Variants in NDUFA7 observed in about 807,000 individuals in gnomAD.
NDUFA7 encodes NADH:ubiquinone oxidoreductase subunit A7.
A neutral mutation model predicts 14.2 loss-of-function variants in NDUFA7; 18 were observed. The ratio of observed to expected loss-of-function variants is 1.27; its 90% confidence interval spans 0.88 to 1.88. The LOEUF (loss-of-function observed/expected upper bound fraction) is 1.88. Among genes scored for constraint, NDUFA7 ranks in the 40% most tolerant of loss-of-function variants. The pLI, the probability that NDUFA7 is intolerant of heterozygous loss-of-function variation, is 0.00. For synonymous variants in NDUFA7, 75 were observed against 62.1 expected (o/e 1.21, Z -0.98); for missense variants, 172 against 147.3 (o/e 1.17, Z -0.87).
chr19:8,317,670 T>C (rs112705083), intron 2 of NDUFA7, among the ~76,000 whole-genome samples: 2,471 of 152,290 alleles, frequency 0.016, 70 homozygotes, highest in African/African-American at 0.057. Context: ...TCTGAGGCAG[T>C]GATCATATGC....
chr19:8,313,389 C>G (rs1382917110), intron 3 of NDUFA7, among the ~76,000 whole-genome samples: 2 of 152,144 alleles, frequency 1.3e-5, no homozygotes, highest in African/African-American at 4.8e-5. Flanking sequence ...CACCACCACA[C>G]CTGGCTAATT....
At chr19:8,314,386 C>T (rs900445522) in intron 3 of NDUFA7, among the ~76,000 whole-genome samples, 3 of 144,222 alleles carry the variant, frequency 2.1e-5, no homozygotes, top group African/African-American at 8.7e-5. Flanking sequence ...CTCACAGGAC[C>T]CTTGGAGGGA....
intron 2 of NDUFA7, among the ~76,000 whole-genome samples, chr19:8,318,330 A>G (rs113568586): frequency 3.0e-4 from 46 of 151,810 alleles, no homozygotes; most frequent in African/African-American, 1.1e-3. Flanking sequence ...TTGTATTTTT[A>G]GTAGAGATGG....
At chr19:8,310,429 CAAAAA>C (rs965963920), downstream of NDUFA7, 3 of 142,600 alleles carry the variant, frequency 2.1e-5, no homozygotes, top group African/African-American at 7.7e-5. Flanking sequence ...AACTCTGTCT[CAAAAA>C]AAAAAAAGAA....
intron 3 of NDUFA7, among the ~76,000 whole-genome samples, chr19:8,315,010 A>G (rs8109861): frequency 0.15 from 23,157 of 152,132 alleles, 3,889 homozygotes; most frequent in African/African-American, 0.42. Context: ...GACATGTGCT[A>G]TGTCAACTCA....
At chr19:8,320,223 T>A (rs1970286101) in intron 2 of NDUFA7, among the ~76,000 whole-genome samples, 1 of 152,204 alleles carries the variant, frequency 6.6e-6, no homozygotes. Context: ...ACTGTCAATT[T>A]CCAAAGAAAG....
At chr19:8,314,278 G>A (rs932355507) in intron 3 of NDUFA7, among the ~76,000 whole-genome samples, 4 of 151,316 alleles carry the variant, frequency 2.6e-5, no homozygotes, top group Admixed American at 2.0e-4. Context: ...CCGAAATCGC[G>A]CCACTGCACT....
At chr19:8,317,365 G>A (rs143930430) in intron 2 of NDUFA7, among the ~76,000 whole-genome samples, 2,360 of 152,182 alleles carry the variant, frequency 0.016, 61 homozygotes, top group African/African-American at 0.055. Flanking sequence ...TCAGGTGTTC[G>A]AAACCAGCCT....
rs1218205441 is a variant in NDUFA7 at position 8,316,565 on chromosome 19, C to T, written c.182G>A (p.Arg61Gln). 5.6e-6 allele frequency: 9 copies of T among 1,613,994 alleles called. No homozygotes were observed. The highest frequency in any genetic ancestry group is 1.3e-5 in the African/African-American group (1 of 74,910). Residue 61 changes from arginine (R) to glutamine (Q), a missense_variant, in exon 3 of 4, where the codon CGG (arginine) becomes CAG (glutamine). By Grantham distance (43) the Arg-to-Gln change is conservative. Coordinates refer to ENST00000301457, the MANE Select transcript of NDUFA7 (RefSeq NM_005001.5). The stretch of plus-strand genomic sequence containing the variant: ...GATGATGGAAGGGGGCACAGATTCC[C>T]GGCGGCCATCGCGAGTGCAATAGTA... The part of the protein sequence containing the change: ...NNYYCTRDGR[R>Q]ESVPPSIIMS...
At chr19:8,319,413 A>G (rs1970274222) in intron 2 of NDUFA7, 1 of 152,062 alleles carries the variant, frequency 6.6e-6, no homozygotes, top group African/African-American at 2.4e-5. Flanking sequence ...ACAAAAAATT[A>G]GTCAGGCGTG....
chr19:8,321,261 A>C, intron 1 of NDUFA7, 47 bp downstream of exon 1: 1 of 1,503,608 alleles, frequency 6.7e-7, no homozygotes, highest in East Asian at 2.5e-5. Flanking sequence ...TCCCGGACAC[A>C]CGGAGCCCGA....
At position 8,316,148 on chromosome 19, in the gene NDUFA7, C is replaced by CAAAAGAAAAAAAAAAA. The variant is rs571493580; in HGVS notation, c.251+347_251+348insTTTTTTTTTTTCTTTT. On this transcript the variant is annotated intron_variant, in intron 3 of 3. Coordinates refer to ENST00000301457, the MANE Select transcript of NDUFA7 (RefSeq NM_005001.5). Reference sequence around the variant, plus strand: ...TGGGTGACAGAGTGAGACTCCGTCTCAAAAAAAAAAAAAAAAAAAAAATTG... The same window carrying CAAAAGAAAAAAAAAAA: ...TGGGTGACAGAGTGAGACTCCGTCTCAAAAGAAAAAAAAAAAAAAAAAAAAAAAAAAAAAAAAATTG... 2.5e-5 allele frequency among the ~76,000 whole-genome samples: 2 copies of CAAAAGAAAAAAAAAAA among 80,648 alleles called. 1 individual carries two copies. The highest frequency in any genetic ancestry group is 5.1e-5 in the Non-Finnish European group (2 of 39,588). 52.9% of individuals were successfully genotyped at this position (80,648 alleles called of 152,430 possible). A position where few individuals can be genotyped will look rare whatever the true frequency, so the allele number is the denominator to read the frequency against.
intron 3 of NDUFA7, among the ~76,000 whole-genome samples, chr19:8,313,344 C>T (rs536253817): frequency 1.3e-4 from 20 of 152,230 alleles, no homozygotes; most frequent in Admixed American, 1.1e-3. Flanking sequence ...CACTCTCCTG[C>T]CTCAGCCTCC....
At chr19:8,312,506 ACT>A (rs1404775354) in intron 3 of NDUFA7, among the ~76,000 whole-genome samples, 1 of 151,844 alleles carries the variant, frequency 6.6e-6, no homozygotes, top group Non-Finnish European at 1.5e-5. Flanking sequence ...TTTGAGACAG[ACT>A]CTTGCTCTGT....
At chr19:8,313,943 C>A (rs948241296) in intron 3 of NDUFA7, among the ~76,000 whole-genome samples, 1 of 152,120 alleles carries the variant, frequency 6.6e-6, no homozygotes, top group Admixed American at 6.6e-5. Context: ...TATTAGAGTC[C>A]CCATTTAATT....
chr19:8,312,283 GTGA>G (rs1970187620), intron 3 of NDUFA7, among the ~76,000 whole-genome samples: 1 of 152,216 alleles, frequency 6.6e-6, no homozygotes, highest in African/African-American at 2.4e-5. Flanking sequence ...GGAGGGTGGG[GTGA>G]TGGAGGAGGC....
intron 2 of NDUFA7, among the ~76,000 whole-genome samples, chr19:8,318,724 A>G (rs1219242672): frequency 6.9e-6 from 1 of 145,194 alleles, no homozygotes; most frequent in East Asian, 2.2e-4. Flanking sequence ...CTGTAATCCC[A>G]GCACTTTGGG....
chr19:8,320,821 G>A, intron 2 of NDUFA7, 36 bp downstream of exon 2: 3 of 1,613,356 alleles, frequency 1.9e-6, no homozygotes, highest in Non-Finnish European at 1.7e-6. Flanking sequence ...AGAAAGGACA[G>A]AGCCAGAGGC....
chr19:8,318,355 G>A (rs1411668557), intron 2 of NDUFA7, among the ~76,000 whole-genome samples: 1 of 151,248 alleles, frequency 6.6e-6, no homozygotes. Flanking sequence ...TCACTATGTT[G>A]GCCAGGCTGG....
Sources: allele counts gnomAD v4.1 joint callset (sites outside exome capture counted in the v4.1 genomes callset), GRCh38; gene constraint gnomAD v4.1.1; transcripts MANE v1.5; gene names NCBI Gene and HGNC (gene_info 2026-07-23, HGNC 2026-07-21).